Variants in FAAP20 observed in about 807,000 individuals in gnomAD.
FAAP20 encodes Fanconi anemia core complex-associated protein 20.
FAAP20 carries 12 observed loss-of-function variants against 16.2 expected under a neutral mutation model. The observed-to-expected ratio is 0.74, with a 90% confidence interval of 0.48 to 1.20. The LOEUF (loss-of-function observed/expected upper bound fraction) is 1.20. Ranked by LOEUF, FAAP20 falls within the 50% of genes most tolerant of loss-of-function variation. The pLI is 0.00. For synonymous variants in FAAP20, 141 were observed against 110.7 expected (o/e 1.27, Z -1.72); for missense variants, 288 against 245.8 (o/e 1.17, Z -1.15).
chr1:2,205,768 G>T (rs1004804782), intron 3 of FAAP20, among the ~76,000 whole-genome samples: 4 of 152,248 alleles, frequency 2.6e-5, no homozygotes, highest in African/African-American at 9.6e-5. Flanking sequence ...AGGCTGAGCC[G>T]CCCTCCTCCC....
chr1:2,210,291 C>T (rs1689400790), downstream of FAAP20, among the ~76,000 whole-genome samples: 2 of 152,330 alleles, frequency 1.3e-5, no homozygotes, highest in Admixed American at 6.5e-5. Context: ...CTGGGAGTGG[C>T]GATGTCGGCC....
chr1:2,184,983 T>C, downstream of FAAP20: 1 of 1,613,790 alleles, frequency 6.2e-7, no homozygotes, highest in Non-Finnish European at 8.5e-7. Context: ...CAACCCATTA[T>C]TGCTGTCCAC....
chr1:2,194,157 C>T, intron 1 of FAAP20, 24 bp from the exon 2 acceptor site: 1 of 1,610,464 alleles, frequency 6.2e-7, no homozygotes, highest in Non-Finnish European at 8.5e-7. Context: ...AGAGGGCAGA[C>T]AGGGGGTACT....
chr1:2,188,721 G>A (rs553130887), downstream of FAAP20, among the ~76,000 whole-genome samples: 6 of 152,192 alleles, frequency 3.9e-5, no homozygotes, highest in South Asian at 1.2e-3. Flanking sequence ...AAACACCACC[G>A]ATGGTGGAGC....
upstream of FAAP20, among the ~76,000 whole-genome samples, chr1:2,204,136 C>T (rs1689147860): frequency 6.6e-6 from 1 of 152,252 alleles, no homozygotes; most frequent in African/African-American, 2.4e-5. Flanking sequence ...CTGGCCTCCA[C>T]AGACCCTCAC....
downstream of FAAP20, among the ~76,000 whole-genome samples, chr1:2,211,061 C>G (rs1311502884): frequency 3.3e-5 from 5 of 152,106 alleles, no homozygotes. Context: ...TTCTGACAGA[C>G]TCACTCTCAG....
chr1:2,204,887 GC>G (rs1174143696), upstream of FAAP20, among the ~76,000 whole-genome samples: 1 of 62,772 alleles, frequency 1.6e-5, no homozygotes, highest in Non-Finnish European at 3.5e-5. Context: ...CCCACGCCCC[GC>G]CCTCAAGCCC....
upstream of FAAP20, chr1:2,199,118 G>A: frequency 8.4e-7 from 1 of 1,188,240 alleles, no homozygotes; most frequent in African/African-American, 1.6e-5. This position sits in a 1 kb window ranked among gnomAD's most constrained non-coding sequence, Gnocchi z 4.5. Context: ...CAGCTGGGGA[G>A]GGCCCTGGCC....
rs1447044418 is a variant in FAAP20 at position 2,189,636 on chromosome 1, C to T, written c.*73G>A. 7.2e-6 allele frequency: 9 copies of T among 1,247,476 alleles called. No homozygotes were observed. The highest frequency in any genetic ancestry group is 1.0e-5 in the Non-Finnish European group (9 of 880,600). 77.3% of individuals were successfully genotyped at this position (1,247,476 alleles called of 1,614,324 possible). A position where few individuals can be genotyped will look rare whatever the true frequency, so the allele number is the denominator to read the frequency against. ...AGAGGCGGGGCTGCTGGCGGGGGAG[C>T]CGAGAGGCGGGGCTGCTGGCGGGGG... On this transcript the variant is annotated 3_prime_UTR_variant, in exon 4 of 4. Transcript: ENST00000378546.
chr1:2,191,812 C>T lies in FAAP20; in HGVS notation c.470+1827G>A, dbSNP rs1440522068. 25 of 982,338 alleles carry T rather than the reference C, an allele frequency of 2.5e-5. No homozygotes were observed. The South Asian group carries it at 7.1e-4, about 28-fold the overall frequency. The allele number at this position is 982,338 out of a possible 1,614,324, so 60.9% of individuals were successfully genotyped here. On this transcript the variant is annotated intron_variant, in intron 3 of 3. Coordinates refer to ENST00000378546, the MANE Select transcript of FAAP20 (RefSeq NM_182533.4). The stretch of plus-strand genomic sequence containing the variant: ...CAACAGAGACAAAACGCAGCTCTGG[C>T]TCTCAACATCCTCACCCCTCACCAG...
At chr1:2,188,979 T>C (rs1208401361), downstream of FAAP20, among the ~76,000 whole-genome samples, 2 of 130,598 alleles carry the variant, frequency 1.5e-5, no homozygotes, top group African/African-American at 3.0e-5. Flanking sequence ...CACTCCAGCC[T>C]GGGCGACAGA....
chr1:2,199,008 G>T (rs1411486981), upstream of FAAP20: 1 of 1,261,448 alleles, frequency 7.9e-7, no homozygotes, highest in African/African-American at 1.5e-5. This position sits in a 1 kb window ranked among gnomAD's most constrained non-coding sequence, Gnocchi z 4.5. Context: ...GAGTAGGGGT[G>T]TGCCTTGGTG....
chr1:2,198,396 GC>G, upstream of FAAP20: 4 of 374,282 alleles, frequency 1.1e-5, no homozygotes, highest in Non-Finnish European at 1.5e-5. Context: ...GATGAATCAG[GC>G]CCCAGCCCAC....
At position 2,194,053 on chromosome 1, in the gene FAAP20, C is replaced by G; in HGVS notation, c.143G>C (p.Ser48Thr). 6.2e-7 allele frequency: 1 copy of G among 1,612,672 alleles called. No homozygotes were observed. Among genetic ancestry groups the G allele is most frequent in the Admixed American group, 1.7e-5 (1 of 60,012 alleles). The change falls in exon 2 of 4, where the codon AGC becomes ACC. Residue 48 changes from serine to threonine, a missense_variant. Ser to Thr is a moderately conservative substitution (Grantham distance 58, BLOSUM62 1). Coordinates refer to ENST00000378546, the MANE Select transcript of FAAP20 (RefSeq NM_182533.4). The stretch of plus-strand genomic sequence containing the variant: ...CTCGTGATCCAGGATCAGCTCCGGG[C>G]TCACCGTGCGCAGTAGCTCGGCCCA... ...RLWAELLRTV[S>T]PELILDHEVP...
downstream of FAAP20, among the ~76,000 whole-genome samples, chr1:2,208,266 G>A (rs916763426): frequency 1.3e-5 from 2 of 152,082 alleles, no homozygotes; most frequent in Non-Finnish European, 2.9e-5. Flanking sequence ...CAGGCCAGGG[G>A]TGTCCTCTCA....
At chr1:2,199,247 G>GTCCC, upstream of FAAP20, 1 of 1,147,088 alleles carries the variant, frequency 8.7e-7, no homozygotes, top group African/African-American at 1.6e-5. This position sits in a 1 kb window ranked among gnomAD's most constrained non-coding sequence, Gnocchi z 4.5. Context: ...ACCCCTTCAA[G>GTCCC]CAGTATCCGG....
upstream of FAAP20, among the ~76,000 whole-genome samples, chr1:2,196,556 T>C (rs979586786): frequency 6.5e-5 from 9 of 138,966 alleles, no homozygotes; most frequent in Admixed American, 1.4e-4. The surrounding 1 kb of genome is among the most constrained non-coding windows in gnomAD (Gnocchi z 4.5). Context: ...AAAAAAAAAA[T>C]AGGCCAGGTG....
At chr1:2,198,254 A>C, upstream of FAAP20, 1 of 1,091,834 alleles carries the variant, frequency 9.2e-7, no homozygotes, top group Non-Finnish European at 1.2e-6. Context: ...GGGAGTTTGC[A>C]TCCCAGGCAG....
At chr1:2,199,052 G>A, upstream of FAAP20, 1 of 1,229,760 alleles carries the variant, frequency 8.1e-7, no homozygotes, top group Non-Finnish European at 1.0e-6. The surrounding 1 kb of genome is among the most constrained non-coding windows in gnomAD (Gnocchi z 4.5). Context: ...CACAGCCTCA[G>A]TGGCGGGGTC....
Sources: allele counts gnomAD v4.1 joint callset (sites outside exome capture counted in the v4.1 genomes callset), GRCh38; gene constraint gnomAD v4.1.1; non-coding constraint Gnocchi (gnomAD v3.1); transcripts MANE v1.5; gene names NCBI Gene and HGNC (gene_info 2026-07-23, HGNC 2026-07-21).